ERAP1: variants seen among roughly 807,000 people sequenced by gnomAD.
ERAP1 encodes the protein endoplasmic reticulum aminopeptidase 1.
Under a neutral mutation model 103.7 loss-of-function variants are expected in ERAP1, and 86 were observed. The observed-to-expected ratio is 0.83, with a 90% confidence interval of 0.70 to 0.99. The LOEUF (loss-of-function observed/expected upper bound fraction) is 0.99. Ranked by LOEUF, ERAP1 falls within the 50% of genes least tolerant of loss-of-function variation. ERAP1 has a pLI of 0.00. For synonymous variants in ERAP1, 398 were observed against 402.4 expected (o/e 0.99, Z 0.13); for missense variants, 1,009 against 1,128.4 (o/e 0.89, Z 1.52).
chr5:96,774,942 T>C lies in ERAP1; in HGVS notation c.*1454A>G. 3.0e-6 allele frequency: 3 copies of C among 984,430 alleles called. No individual in the cohort carries two copies. Among genetic ancestry groups the C allele is most frequent in the Non-Finnish European group, 3.6e-6 (3 of 829,276 alleles). 61.0% of individuals were successfully genotyped at this position (984,430 alleles called of 1,614,324 possible). ...ACCAATCATCAATCATATTCCCTTA[T>C]CTTGAAGTTTTTGCCTTATATTCAA... On this transcript the variant is annotated 3_prime_UTR_variant, in exon 19 of 19. Transcript: ENST00000443439.
chr5:96,865,574 T>C, the ERAP1 span, among the ~76,000 whole-genome samples: 1 of 152,200 alleles, frequency 6.6e-6, no homozygotes, highest in East Asian at 1.9e-4. Flanking sequence ...AAATTGGTAA[T>C]CAGCAGTGGA....
chr5:96,872,382 T>C, the ERAP1 span, among the ~76,000 whole-genome samples: 1 of 149,658 alleles, frequency 6.7e-6, no homozygotes, highest in African/African-American at 2.4e-5. Flanking sequence ...GTGGATCACT[T>C]GAGCTCAGGA....
chr5:96,901,875 A>C, the ERAP1 span, among the ~76,000 whole-genome samples: 1 of 152,228 alleles, frequency 6.6e-6, no homozygotes, highest in East Asian at 1.9e-4. Flanking sequence ...CACCATTCTT[A>C]GTGATTCCAT....
the ERAP1 span, among the ~76,000 whole-genome samples, chr5:96,925,665 T>C: frequency 1.3e-5 from 2 of 152,202 alleles, no homozygotes; most frequent in African/African-American, 4.8e-5. Context: ...AATTTAACAG[T>C]CACCACAGTT....
chr5:96,818,524 C>T, the ERAP1 span, among the ~76,000 whole-genome samples: 11 of 150,614 alleles, frequency 7.3e-5, no homozygotes, highest in Non-Finnish European at 1.2e-4. Context: ...GAGAGAATAA[C>T]CCCAAAGAAG....
the ERAP1 span, among the ~76,000 whole-genome samples, chr5:96,819,672 C>G: frequency 6.6e-6 from 1 of 152,080 alleles, no homozygotes; most frequent in Non-Finnish European, 1.5e-5. Context: ...TACTAAGGAC[C>G]AGATCAGATC....
At chr5:96,790,710 C>A in intron 8 of ERAP1, 67 bp from the exon 9 acceptor site, 1 of 1,445,302 alleles carries the variant, frequency 6.9e-7, no homozygotes, top group South Asian at 1.2e-5. Flanking sequence ...ATCACATATT[C>A]TTTTGCAATA....
At chr5:96,794,760 C>T (rs1371812328) in intron 5 of ERAP1, among the ~76,000 whole-genome samples, 1 of 152,216 alleles carries the variant, frequency 6.6e-6, no homozygotes, top group Non-Finnish European at 1.5e-5. Context: ...AGCCTCTTCC[C>T]TCTGCTGTCT....
the ERAP1 span, among the ~76,000 whole-genome samples, chr5:96,843,882 G>A: frequency 6.6e-6 from 1 of 152,156 alleles, no homozygotes; most frequent in African/African-American, 2.4e-5. Flanking sequence ...TTAACTAATT[G>A]CAAATCACAA....
chr5:96,765,261 C>CT (rs1561615017), intron 19 of ERAP1: 1 of 1,606,484 alleles, frequency 6.2e-7, no homozygotes, highest in Non-Finnish European at 8.5e-7. Flanking sequence ...GATAAACTCT[C>CT]TGACAGTCTA....
the ERAP1 span, chr5:96,909,006 C>T: frequency 5.0e-6 from 8 of 1,614,128 alleles, no homozygotes; most frequent in Non-Finnish European, 6.8e-6. Context: ...TGACTTACTA[C>T]CTCCAACATG....
At chr5:96,913,322 T>A in the ERAP1 span, 1 of 1,613,720 alleles carries the variant, frequency 6.2e-7, no homozygotes, top group Non-Finnish European at 8.5e-7. Context: ...TTCAGGTTAA[T>A]TGAACTAGGA....
the ERAP1 span, among the ~76,000 whole-genome samples, chr5:96,827,623 C>A: frequency 6.6e-6 from 1 of 152,092 alleles, no homozygotes; most frequent in African/African-American, 2.4e-5. Context: ...CGAGATCACC[C>A]CGCTGCACTC....
chr5:96,909,770 T>G, the ERAP1 span: 1 of 1,613,350 alleles, frequency 6.2e-7, no homozygotes, highest in Non-Finnish European at 8.5e-7. Context: ...TTAAAGTAGA[T>G]GTAGACTTCT....
chr5:96,787,784 TTA>T (rs1554113047), intron 11 of ERAP1, among the ~76,000 whole-genome samples: 2 of 150,082 alleles, frequency 1.3e-5, no homozygotes, highest in South Asian at 4.2e-4. Context: ...GGTGTATATA[TTA>T]TATATATATA....
At chr5:96,821,885 G>A in the ERAP1 span, among the ~76,000 whole-genome samples, 4 of 152,340 alleles carry the variant, frequency 2.6e-5, no homozygotes, top group South Asian at 8.3e-4. Context: ...AAGCTATAGA[G>A]ACTTGTTGGT....
At chr5:96,910,925 C>T in the ERAP1 span, among the ~76,000 whole-genome samples, 1 of 152,160 alleles carries the variant, frequency 6.6e-6, no homozygotes, top group African/African-American at 2.4e-5. Context: ...TGTGGCCTAC[C>T]TTCAAGAAGC....
At chr5:96,898,572 C>CAAAAA in the ERAP1 span, among the ~76,000 whole-genome samples, 2,198 of 94,352 alleles carry the variant, frequency 0.023, 103 homozygotes, top group African/African-American at 0.088. Flanking sequence ...TACTAAAATA[C>CAAAAA]AAAAAAAAAA....
chr5:96,761,264 A>G (rs77519324), exon 20 of ERAP1: 2 of 152,236 alleles, frequency 1.3e-5, no homozygotes, highest in Admixed American at 6.5e-5. Context: ...AAATGTTTCA[A>G]TGTCATTCTT....
Sources: gnomAD v4.1 joint callset for allele counts (sites outside exome capture counted in the v4.1 genomes callset) on GRCh38, gnomAD v4.1.1 for gene constraint, MANE v1.5 for transcripts, NCBI Gene and HGNC (gene_info 2026-07-23, HGNC 2026-07-21) for gene names.